The following DNAH6 variants were observed in gnomAD, a reference collection of about 807,000 sequenced individuals.
DNAH6 encodes the protein dynein axonemal heavy chain 6, also known as axonemal beta dynein heavy chain 6.
DNAH6 carries 340 observed loss-of-function variants against 491.4 expected under a neutral mutation model. That is an observed-to-expected ratio of 0.69 (90% CI 0.63 to 0.76). DNAH6 has a LOEUF of 0.76. DNAH6 is among the 30% of genes least tolerant of loss of function. DNAH6 has a pLI of 0.00. For missense variants in DNAH6, 4,443 were observed against 4,972.2 expected (o/e 0.89, Z 3.20); for synonymous variants, 1,603 against 1,686.1 (o/e 0.95, Z 1.21).
At chr2:84,540,524 T>C (rs1051060562) in intron 4 of DNAH6, among the ~76,000 whole-genome samples, 1 of 152,188 alleles carries the variant, frequency 6.6e-6, no homozygotes, top group African/African-American at 2.4e-5. Context: ...TTTATTGTTT[T>C]GGAAGTCAAT....
chr2:84,675,401 CCTTCCTCTTGGTCTTCAGATTCTT>C (rs944256337), intron 40 of DNAH6, among the ~76,000 whole-genome samples: 1 of 152,146 alleles, frequency 6.6e-6, no homozygotes, highest in African/African-American at 2.4e-5. Flanking sequence ...ATCAAGAGTG[CCTTCCTCTTGGTCTTCAGATTCTT>C]CTTCCTACCA....
At chr2:84,593,551 C>T (rs1043143637) in intron 16 of DNAH6, among the ~76,000 whole-genome samples, 1 of 152,178 alleles carries the variant, frequency 6.6e-6, no homozygotes, top group Non-Finnish European at 1.5e-5. Flanking sequence ...ATCTTCCCCA[C>T]CAGCTACCGC....
At chr2:84,664,824 C>A (rs983224416) in intron 37 of DNAH6, among the ~76,000 whole-genome samples, 1 of 152,204 alleles carries the variant, frequency 6.6e-6, no homozygotes, top group Non-Finnish European at 1.5e-5. Context: ...CGCACTTATT[C>A]CAAAATTGGC....
chr2:84,496,785 T>C, the DNAH6 span, among the ~76,000 whole-genome samples: 1 of 152,184 alleles, frequency 6.6e-6, no homozygotes, highest in Non-Finnish European at 1.5e-5. Context: ...TATATACCCA[T>C]GTAACCACCA....
At position 84,529,107 on chromosome 2, in the gene DNAH6, T is replaced by A; in HGVS notation, c.603T>A (p.Phe201Leu). 1 of 1,550,960 alleles carries A rather than the reference T, an allele frequency of 6.4e-7. No individual in the cohort carries two copies. Among genetic ancestry groups the A allele is most frequent in the Non-Finnish European group, 8.7e-7 (1 of 1,146,484 alleles). ...KIIRENEHLG[F>L]LYMIPAVPRS... The stretch of plus-strand genomic sequence containing the variant: ...TACGTGAAAATGAACATCTTGGATT[T>A]CTTTATATGATCCCTGCAGTGCCAA... Residue 201 changes from phenylalanine to leucine, a missense_variant, in exon 4 of 77, where the codon TTT becomes TTA. Physicochemically the swap from Phe to Leu is conservative, Grantham distance 22. This residue lies in a region of DNAH6 where 2,977 missense variants were observed against 3,296.6 expected (regional missense o/e 0.90). Coordinates refer to ENST00000389394, the MANE Select transcript of DNAH6 (RefSeq NM_001370.2).
At position 84,709,590 on chromosome 2, in the gene DNAH6, A is replaced by G. The variant is rs1420139894; in HGVS notation, c.9252+44A>G. Reference sequence around the variant, plus strand: ...AGAGAGTGGCTTTTGGTTCTGCTTAATGTTGAGCTAGCTATTAAAAATTAT... The same window carrying G: ...AGAGAGTGGCTTTTGGTTCTGCTTAGTGTTGAGCTAGCTATTAAAAATTAT... On this transcript the variant is annotated intron_variant, in intron 55 of 76. Coordinates refer to ENST00000389394, the MANE Select transcript of DNAH6 (RefSeq NM_001370.2). The G allele has an allele frequency of 2.6e-6, 4 of 1,539,910 alleles. No individual in the cohort carries two copies. The South Asian group carries it at 4.8e-5, about 18-fold the overall frequency.
At chr2:84,733,802 C>T in intron 62 of DNAH6, among the ~76,000 whole-genome samples, 1 of 152,028 alleles carries the variant, frequency 6.6e-6, no homozygotes, top group Middle Eastern at 3.4e-3. Context: ...TGTATACACA[C>T]ACCATATATT....
intron 33 of DNAH6, among the ~76,000 whole-genome samples, chr2:84,645,854 C>T (rs7591710): frequency 5.8e-4 from 88 of 152,248 alleles, no homozygotes; most frequent in African/African-American, 1.9e-3. Flanking sequence ...TCAATTACAG[C>T]TCACATTTTC....
rs1304211197 is a variant in DNAH6 at position 84,641,944 on chromosome 2, T to C, written c.4971-3T>C. Reference sequence around the variant, plus strand: ...ATTATCCGAAATATTCCTTTAAATTTAGATCTTTAAAAAGAGAAAACCCAG... The same window carrying C: ...ATTATCCGAAATATTCCTTTAAATTCAGATCTTTAAAAAGAGAAAACCCAG... On this transcript the variant is annotated splice_polypyrimidine_tract_variant and splice_region_variant and intron_variant, in intron 32 of 76. Coordinates refer to ENST00000389394, the MANE Select transcript of DNAH6 (RefSeq NM_001370.2). 5.8e-6 allele frequency: 9 copies of C among 1,547,110 alleles called. No homozygotes were observed. In the Admixed American group the frequency reaches 1.8e-4, roughly 31 times the overall value.
intron 29 of DNAH6, among the ~76,000 whole-genome samples, chr2:84,627,646 C>CT: frequency 6.6e-6 from 1 of 152,148 alleles, no homozygotes; most frequent in Non-Finnish European, 1.5e-5. Flanking sequence ...AAATAATTTT[C>CT]TTTATTCATT....
intron 11 of DNAH6, among the ~76,000 whole-genome samples, chr2:84,570,357 C>T (rs191363250): frequency 1.3e-5 from 2 of 151,996 alleles, no homozygotes; most frequent in African/African-American, 2.4e-5. Context: ...CCAATCATTG[C>T]TCTGTGTCTA....
chr2:84,521,036 T>C (rs1031540946), intron 2 of DNAH6, among the ~76,000 whole-genome samples: 1 of 152,060 alleles, frequency 6.6e-6, no homozygotes, highest in Admixed American at 6.6e-5. Flanking sequence ...TTTTTATTAT[T>C]TGTCATATTA....
At chr2:84,482,456 G>A in the DNAH6 span, among the ~76,000 whole-genome samples, 1 of 152,224 alleles carries the variant, frequency 6.6e-6, no homozygotes, top group East Asian at 1.9e-4. Flanking sequence ...CATTTAATGT[G>A]TCAGGCTATT....
intron 15 of DNAH6, among the ~76,000 whole-genome samples, chr2:84,585,229 T>G (rs901988952): frequency 6.6e-6 from 1 of 152,212 alleles, no homozygotes; most frequent in African/African-American, 2.4e-5. Context: ...TAAACACATC[T>G]ATGTATCCAC....
intron 2 of DNAH6, among the ~76,000 whole-genome samples, chr2:84,525,046 C>T (rs759363020): frequency 3.3e-5 from 5 of 151,900 alleles, no homozygotes; most frequent in Non-Finnish European, 7.4e-5. Context: ...TGCTTAGTAA[C>T]AAAAAGCCAT....
At chr2:84,786,108 A>ATGAT (rs1491084790) in intron 67 of DNAH6, among the ~76,000 whole-genome samples, 1 of 139,908 alleles carries the variant, frequency 7.1e-6, no homozygotes, top group African/African-American at 3.1e-5. Context: ...GAAAGAATGA[A>ATGAT]TGAATGAATG....
intron 11 of DNAH6, among the ~76,000 whole-genome samples, chr2:84,562,409 C>A (rs1304979074): frequency 1.3e-5 from 2 of 151,970 alleles, no homozygotes; most frequent in South Asian, 2.1e-4. Flanking sequence ...CAAGACAAAA[C>A]AGTATGCTGG....
chr2:84,669,351 C>G lies in DNAH6; in HGVS notation c.6147C>G (p.Pro2049=). 2.6e-6 allele frequency: 4 copies of G among 1,548,286 alleles called. No homozygotes were observed. Among genetic ancestry groups the G allele is most frequent in the Non-Finnish European group, 3.5e-6 (4 of 1,143,782 alleles). ...HMDFDTKRLD[P]WERIIPTFKY... ...ACTTTGACACCAAACGGCTGGATCC[C>G]TGGGAACGAATCATACCTACTTTCA... is the stretch of plus-strand genomic sequence containing the variant. Residue 2049 remains proline (P), a synonymous_variant, in exon 38 of 77, where the codon CCC becomes CCG. Coordinates refer to ENST00000389394, the MANE Select transcript of DNAH6 (RefSeq NM_001370.2).
chr2:84,662,852 C>T (rs187918498), intron 37 of DNAH6, among the ~76,000 whole-genome samples: 4 of 152,290 alleles, frequency 2.6e-5, no homozygotes, highest in Admixed American at 6.5e-5. Flanking sequence ...GAGATATCTC[C>T]CAGTAGGGGC....
Sources: allele counts gnomAD v4.1 joint callset (sites outside exome capture counted in the v4.1 genomes callset), GRCh38; gene constraint gnomAD v4.1.1; regional missense constraint gnomAD v4.1.1; transcripts MANE v1.5; gene names NCBI Gene and HGNC (gene_info 2026-07-23, HGNC 2026-07-21).